Variants in GRB10 observed in about 807,000 individuals in gnomAD.
The protein encoded by GRB10 is growth factor receptor-bound protein 10.
GRB10 carries 20 observed loss-of-function variants against 80.9 expected under a neutral mutation model. The ratio of observed to expected loss-of-function variants is 0.25; its 90% CI spans 0.17 to 0.36. The LOEUF (loss-of-function observed/expected upper bound fraction) is 0.36, where lower values mean the gene tolerates loss of function less well. Among genes scored for constraint, GRB10 ranks in the 10% least tolerant of loss-of-function variants. GRB10 has a pLI of 1.00. For missense variants in GRB10, 548 were observed against 747.7 expected, an observed-to-expected ratio of 0.73 and a Z score of 3.12; for synonymous variants, 291 against 291.5, an observed-to-expected ratio of 1.00 and a Z score of 0.02.
Position 50,656,384 on chromosome 7 carries a change from C to T in GRB10, c.504+13338G>A, listed in dbSNP as rs114767203. Among the ~76,000 whole-genome samples the T allele has an allele frequency of 8.2e-3, 1,248 of 152,280 alleles. 15 individuals carry two copies. Among genetic ancestry groups the T allele is most frequent in the African/African-American group, 0.029 (1,191 of 41,530 alleles). ...CTGAAAAAGACAGGATGTGTAACTA[C>T]TGGAACAATACATGCTGGAGATCTC... is the stretch of plus-strand genomic sequence containing the variant. On this transcript the variant is annotated intron_variant, in intron 7 of 18. Transcript: ENST00000401949.
chr7:50,596,028 C>A (rs1170078416), intron 17 of GRB10, among the ~76,000 whole-genome samples: 2 of 152,072 alleles, frequency 1.3e-5, no homozygotes, highest in Non-Finnish European at 2.9e-5. Flanking sequence ...GAAAATCTTT[C>A]TTGGAGGAGA....
chr7:50,614,939 C>T, intron 11 of GRB10, 59 bp from the exon 12 acceptor site: 4 of 1,071,788 alleles, frequency 3.7e-6, no homozygotes, highest in Non-Finnish European at 4.4e-6. Context: ...ATGTGTTCAC[C>T]TCTGGTAGAC....
intron 4 of GRB10, among the ~76,000 whole-genome samples, chr7:50,731,182 C>T (rs564916849): frequency 6.6e-6 from 1 of 152,230 alleles, no homozygotes; most frequent in East Asian, 1.9e-4. Context: ...CTTTGCAGTT[C>T]GCTAAGGTTT....
chr7:50,594,827 A>T (rs2046361175), intron 18 of GRB10, among the ~76,000 whole-genome samples: 1 of 152,214 alleles, frequency 6.6e-6, no homozygotes, highest in South Asian at 2.1e-4. Flanking sequence ...TGTATTCTGT[A>T]ATGAAGTTTT....
At chr7:50,676,953 C>T (rs1325944010) in intron 5 of GRB10, among the ~76,000 whole-genome samples, 2 of 152,160 alleles carry the variant, frequency 1.3e-5, no homozygotes, top group South Asian at 2.1e-4. Flanking sequence ...CTGGCCAGCA[C>T]AGCCCTTGCT....
intron 5 of GRB10, among the ~76,000 whole-genome samples, chr7:50,702,725 C>T (rs973947672): frequency 6.6e-6 from 1 of 152,182 alleles, no homozygotes; most frequent in Admixed American, 6.5e-5. Context: ...ATGTGCTCCA[C>T]GTTCTGTGCT....
chr7:50,632,702 G>A (rs947654918), intron 7 of GRB10, among the ~76,000 whole-genome samples: 1 of 152,180 alleles, frequency 6.6e-6, no homozygotes, highest in Non-Finnish European at 1.5e-5. Flanking sequence ...CTGGATGCTG[G>A]AGGGAGAACC....
Position 50,592,743 on chromosome 7 carries a change from C to G in GRB10, c.*209G>C. On this transcript the variant is annotated 3_prime_UTR_variant, in exon 19 of 19. Transcript: ENST00000401949. ...CATGCCCTCCCCAATTTGGCCGATGCAGAGGGAGGCGACCCTGCTGGGTTC... is the reference window on the plus strand; with the variant it reads ...CATGCCCTCCCCAATTTGGCCGATGGAGAGGGAGGCGACCCTGCTGGGTTC... The G allele has an allele frequency of 1.6e-6, 1 of 606,796 alleles. No individual in the cohort carries two copies. Among genetic ancestry groups the G allele is most frequent in the Non-Finnish European group, 2.9e-6 (1 of 340,552 alleles). 37.6% of individuals were successfully genotyped at this position (606,796 alleles called of 1,614,324 possible). A position where few individuals can be genotyped will look rare whatever the true frequency, so the allele number is the denominator to read the frequency against.
At chr7:50,596,304 C>A (rs1471671091) in intron 17 of GRB10, among the ~76,000 whole-genome samples, 1 of 152,220 alleles carries the variant, frequency 6.6e-6, no homozygotes, top group East Asian at 1.9e-4. Flanking sequence ...ATTACCACCA[C>A]TAGCAATGAG....
intron 5 of GRB10, among the ~76,000 whole-genome samples, chr7:50,692,096 T>C (rs1161546054): frequency 6.6e-6 from 1 of 152,230 alleles, no homozygotes; most frequent in African/African-American, 2.4e-5. Flanking sequence ...CTCCAAATAA[T>C]TCAGTGTAAC....
At chr7:50,667,172 C>G (rs949517141) in intron 7 of GRB10, among the ~76,000 whole-genome samples, 6 of 152,030 alleles carry the variant, frequency 3.9e-5, no homozygotes, top group African/African-American at 1.4e-4. Flanking sequence ...TTAAATATCT[C>G]TACTTTTTCC....
rs137998418 is a variant in GRB10, at chr7:50,637,436, CCACA to C, written c.505-10462_505-10459del. The stretch of plus-strand genomic sequence containing the variant: ...AAGAACTCAATCATGTTTAAAATGG[CCACA>C]CACACACACACAACATACATACACA... On this transcript the variant is annotated intron_variant, in intron 7 of 18. Coordinates refer to ENST00000401949, the MANE Select transcript of GRB10 (RefSeq NM_001350814.2). Among the ~76,000 whole-genome samples, 245 of 151,058 alleles carry C rather than the reference CCACA, an allele frequency of 1.6e-3. 1 individual carries two copies. The highest frequency in any genetic ancestry group is 2.6e-3 in the Non-Finnish European group (179 of 67,670).
chr7:50,692,499 C>A (rs531810099), intron 5 of GRB10, among the ~76,000 whole-genome samples: 1 of 152,134 alleles, frequency 6.6e-6, no homozygotes, highest in Non-Finnish European at 1.5e-5. Flanking sequence ...CAAGGCACAG[C>A]AGGAAGACAG....
chr7:50,629,647 G>A (rs187133214), intron 7 of GRB10, among the ~76,000 whole-genome samples: 100 of 152,322 alleles, frequency 6.6e-4, no homozygotes, highest in Admixed American at 1.3e-3. Flanking sequence ...CAGTCAACGC[G>A]TAGAGCTACT....
intron 17 of GRB10, among the ~76,000 whole-genome samples, chr7:50,598,860 C>T (rs1268635002): frequency 6.6e-6 from 1 of 152,084 alleles, no homozygotes; most frequent in Non-Finnish European, 1.5e-5. Flanking sequence ...GCATGAAGTG[C>T]AGACAGAGGG....
At chr7:50,726,725 C>T (rs1275208334) in intron 4 of GRB10, among the ~76,000 whole-genome samples, 1 of 152,134 alleles carries the variant, frequency 6.6e-6, no homozygotes, top group African/African-American at 2.4e-5. Flanking sequence ...AACTGAAAAG[C>T]TGTTGTTAAA....
Position 50,595,444 on chromosome 7 carries a change from A to T in GRB10, c.1631T>A (p.Ile544Asn), listed in dbSNP as rs1454712386. 6.5e-7 allele frequency: 1 copy of T among 1,544,792 alleles called. No homozygotes were observed. The highest frequency in any genetic ancestry group is 9.0e-7 in the Non-Finnish European group (1 of 1,117,024). ...CHHQKIKNFQILPCEDDGQTF... is the reference protein window; with the variant it reads ...CHHQKIKNFQNLPCEDDGQTF... ...GAGAACATCAATACTTACAGGTAAG[A>T]TCTGGAAATTTTTAATTTTCTGGTG... The change falls in exon 18 of 19, where the codon ATC becomes AAC. Residue 544 changes from isoleucine (I) to asparagine (N), a missense_variant. Coordinates refer to ENST00000401949, the MANE Select transcript of GRB10 (RefSeq NM_001350814.2).
intron 5 of GRB10, among the ~76,000 whole-genome samples, chr7:50,676,547 T>C (rs956599362): frequency 3.4e-4 from 52 of 152,248 alleles, no homozygotes; most frequent in Non-Finnish European, 6.6e-4. Flanking sequence ...ATAAGCGGTA[T>C]TGAAAATAAG....
chr7:50,656,721 A>G (rs2058687869), intron 7 of GRB10, among the ~76,000 whole-genome samples: 1 of 152,116 alleles, frequency 6.6e-6, no homozygotes, highest in Non-Finnish European at 1.5e-5. Context: ...CCTCTGAGCC[A>G]CTCTCTCATT....
Sources: allele counts gnomAD v4.1 joint callset (sites outside exome capture counted in the v4.1 genomes callset), GRCh38; gene constraint gnomAD v4.1.1; transcripts MANE v1.5; gene names NCBI Gene and HGNC (gene_info 2026-07-23, HGNC 2026-07-21).